ATG7: variants seen among roughly 807,000 people sequenced by gnomAD.
ATG7 encodes the protein ubiquitin-like modifier-activating enzyme ATG7.
Under a neutral mutation model 82.4 loss-of-function variants are expected in ATG7, and 70 were observed. The ratio of observed to expected loss-of-function variants is 0.85; its 90% confidence interval spans 0.70 to 1.04. The LOEUF is 1.04. ATG7 is among the 50% of genes least tolerant of loss of function. ATG7 has a pLI of 0.00. For synonymous variants in ATG7, 287 were observed against 313.0 expected (o/e 0.92, Z 0.88); for missense variants, 792 against 864.3 (o/e 0.92, Z 1.05).
chr3:11,567,924 G>A, the ATG7 span, among the ~76,000 whole-genome samples: 1 of 152,190 alleles, frequency 6.6e-6, no homozygotes, highest in African/African-American at 2.4e-5. Flanking sequence ...AGACCTGGGG[G>A]CTCATGTCCC....
chr3:11,559,400 G>T, downstream of ATG7: 2 of 1,562,112 alleles, frequency 1.3e-6, no homozygotes, highest in South Asian at 1.2e-5. Context: ...GGGGCAGTGC[G>T]AGAGGTTGCA....
At chr3:11,546,161 G>GTTTTTT (rs1483457466) in intron 20 of ATG7, among the ~76,000 whole-genome samples, 2 of 113,728 alleles carry the variant, frequency 1.8e-5, no homozygotes, top group African/African-American at 6.8e-5. Flanking sequence ...GCCAAAACTG[G>GTTTTTT]ATTTTTTTTT....
At chr3:11,410,690 G>C (rs1357041008) in intron 19 of ATG7, among the ~76,000 whole-genome samples, 1 of 152,140 alleles carries the variant, frequency 6.6e-6, no homozygotes, top group African/African-American at 2.4e-5. Flanking sequence ...ATTCCATTTA[G>C]TATAATGCTC....
intron 20 of ATG7, among the ~76,000 whole-genome samples, chr3:11,440,323 C>CTTT (rs59365367): frequency 0.49 from 55,371 of 113,646 alleles, 14,915 homozygotes; most frequent in East Asian, 0.61. Context: ...GGCCTTTACT[C>CTTT]TTTTTTTTTT....
chr3:11,381,707 G>A (rs968535287), intron 19 of ATG7, among the ~76,000 whole-genome samples: 1 of 152,134 alleles, frequency 6.6e-6, no homozygotes, highest in East Asian at 1.9e-4. Flanking sequence ...CATGTTGGAC[G>A]ATTTAATACA....
chr3:11,352,093 C>A (rs746109294), intron 14 of ATG7, among the ~76,000 whole-genome samples: 1 of 150,322 alleles, frequency 6.7e-6, no homozygotes, highest in Non-Finnish European at 1.5e-5. Context: ...TGAGTGAGAA[C>A]ACGCGGTGTT....
chr3:11,431,822 C>G (rs1037542345), intron 20 of ATG7, among the ~76,000 whole-genome samples: 2 of 152,196 alleles, frequency 1.3e-5, no homozygotes, highest in African/African-American at 2.4e-5. Flanking sequence ...GAATGCAAAG[C>G]TGATCCAACT....
At chr3:11,573,591 A>G in the ATG7 span, among the ~76,000 whole-genome samples, 1 of 152,130 alleles carries the variant, frequency 6.6e-6, no homozygotes, top group African/African-American at 2.4e-5. Context: ...GCTGCTGTGT[A>G]TCCTCGGTGA....
At chr3:11,346,733 C>T (rs995277341) in intron 13 of ATG7, among the ~76,000 whole-genome samples, 1 of 152,192 alleles carries the variant, frequency 6.6e-6, no homozygotes, top group South Asian at 2.1e-4. Context: ...ATTCCCAAAG[C>T]AAGCACAAGT....
In ATG7 at chr3:11,326,448, G is replaced by A. The variant is rs561997522; in HGVS notation, c.679-4892G>A. Among the ~76,000 whole-genome samples, 19 of 152,074 alleles carry A rather than the reference G, an allele frequency of 1.2e-4. No homozygotes were observed. The South Asian group carries it at 3.5e-3, about 28-fold the overall frequency. ...CGAGTAGCTGGGACTACAGGTGCCCGCCATCATGCCCGGCTAATTTTTTGT... is the reference window on the plus strand; with the variant it reads ...CGAGTAGCTGGGACTACAGGTGCCCACCATCATGCCCGGCTAATTTTTTGT... On this transcript the variant is annotated intron_variant, in intron 9 of 20. Transcript: ENST00000693202.
At chr3:11,569,052 C>A in the ATG7 span, 1 of 513,582 alleles carries the variant, frequency 1.9e-6, no homozygotes, top group Non-Finnish European at 2.6e-6. Context: ...GCTAAGAAAC[C>A]AAGAATGTCC....
intron 20 of ATG7, among the ~76,000 whole-genome samples, chr3:11,458,938 T>C (rs1412165211): frequency 2.6e-5 from 4 of 152,268 alleles, no homozygotes; most frequent in East Asian, 1.9e-4. Flanking sequence ...AATTGTGAAC[T>C]GTTCATGCGA....
chr3:11,554,954 A>C lies in ATG7; in HGVS notation c.*111A>C, dbSNP rs548160231. On this transcript the variant is annotated 3_prime_UTR_variant, in exon 21 of 21. Coordinates refer to ENST00000693202, the MANE Select transcript of ATG7 (RefSeq NM_001349232.2). ...TGGTGATTCTGGGCCCCTCCTCCAT[A>C]CCCCGAGGTCTGGGATTCCCCCCTC... The C allele has an allele frequency of 6.0e-5, 82 of 1,372,862 alleles. No homozygotes were observed. The highest frequency in any genetic ancestry group is 7.8e-5 in the Non-Finnish European group (80 of 1,019,916). 85.0% of individuals were successfully genotyped at this position (1,372,862 alleles called of 1,614,324 possible). A position where few individuals can be genotyped will look rare whatever the true frequency, so the allele number is the denominator to read the frequency against.
downstream of ATG7, among the ~76,000 whole-genome samples, chr3:11,560,425 C>A (rs1358931609): frequency 6.6e-6 from 1 of 152,218 alleles, no homozygotes; most frequent in Non-Finnish European, 1.5e-5. Context: ...GAAATCACCC[C>A]ACAGGGACCA....
At chr3:11,482,994 A>C (rs1030173844) in intron 20 of ATG7, among the ~76,000 whole-genome samples, 1 of 151,952 alleles carries the variant, frequency 6.6e-6, no homozygotes, top group Non-Finnish European at 1.5e-5. Flanking sequence ...TCTGACCTCT[A>C]TCACCCTAGT....
chr3:11,315,306 A>G (rs202028672), intron 8 of ATG7, 38 bp from the exon 9 acceptor site: 1 of 1,478,720 alleles, frequency 6.8e-7, no homozygotes, highest in Non-Finnish European at 9.0e-7. Flanking sequence ...CTAGAAATGT[A>G]ATTTTCTAGA....
At chr3:11,483,138 C>T (rs929546260) in intron 20 of ATG7, among the ~76,000 whole-genome samples, 4 of 152,124 alleles carry the variant, frequency 2.6e-5, no homozygotes, top group African/African-American at 9.7e-5. Flanking sequence ...TTAGAAATCC[C>T]TTTTCTGCTC....
At chr3:11,368,618 C>A (rs1366459092) in intron 18 of ATG7, among the ~76,000 whole-genome samples, 11 of 151,802 alleles carry the variant, frequency 7.2e-5, no homozygotes, top group African/African-American at 2.2e-4. Context: ...ATAGGGAGAC[C>A]CCGTCTCTAC....
At chr3:11,558,433 C>CAAAT, downstream of ATG7, 1 of 1,401,596 alleles carries the variant, frequency 7.1e-7, no homozygotes, top group Non-Finnish European at 9.4e-7. Flanking sequence ...ATGGTTTTTG[C>CAAAT]AAATAAACCA....
Sources: gnomAD v4.1 joint callset for allele counts (sites outside exome capture counted in the v4.1 genomes callset) on GRCh38, gnomAD v4.1.1 for gene constraint, MANE v1.5 for transcripts, NCBI Gene and HGNC (gene_info 2026-07-23, HGNC 2026-07-21) for gene names.